The following RGS7 variants were observed in gnomAD, a reference collection of about 807,000 sequenced individuals.
RGS7 encodes the protein regulator of G-protein signaling 7.
RGS7 carries 27 observed loss-of-function variants against 81.1 expected under a neutral mutation model. The observed-to-expected ratio is 0.33, with a 90% CI of 0.25 to 0.46. RGS7 has a LOEUF of 0.46. Ranked by LOEUF, RGS7 falls within the 20% of genes least tolerant of loss-of-function variation. The probability of loss-of-function intolerance (pLI) is 1.00; values close to 1 mark genes in which losing one functional copy is unlikely to be tolerated. For synonymous variants in RGS7, 208 were observed against 207.7 expected (o/e 1.00, Z -0.01); for missense variants, 396 against 607.4 (o/e 0.65, Z 3.66).
At chr1:241,173,036 T>G (rs2070844042) in intron 2 of RGS7, among the ~76,000 whole-genome samples, 1 of 152,230 alleles carries the variant, frequency 6.6e-6, no homozygotes, top group Admixed American at 6.5e-5. Flanking sequence ...TTAGACCACC[T>G]TGGTATCTTC....
chr1:241,347,750 G>T (rs1388469816), intron 2 of RGS7, among the ~76,000 whole-genome samples: 2 of 152,020 alleles, frequency 1.3e-5, no homozygotes, highest in Middle Eastern at 3.2e-3. Flanking sequence ...TGTTAGGAGA[G>T]TCACTCACTT....
intron 2 of RGS7, among the ~76,000 whole-genome samples, chr1:241,272,416 AGG>A (rs2077966179): frequency 6.6e-6 from 1 of 152,200 alleles, no homozygotes; most frequent in Non-Finnish European, 1.5e-5. Context: ...CAAACATGCC[AGG>A]ATTACTACCA....
intron 18 of RGS7, among the ~76,000 whole-genome samples, chr1:240,785,990 A>C (rs1186803285): frequency 6.6e-6 from 1 of 152,194 alleles, no homozygotes; most frequent in African/African-American, 2.4e-5. Context: ...TGTCATATTT[A>C]ATGTTGAATG....
chr1:241,088,855 C>CA (rs1246772637), intron 3 of RGS7, among the ~76,000 whole-genome samples: 8 of 150,846 alleles, frequency 5.3e-5, no homozygotes, highest in South Asian at 2.1e-4. Flanking sequence ...ACTAAAAATA[C>CA]AAAAAATTAG....
chr1:241,327,156 AAAG>A (rs1161249548), intron 2 of RGS7, among the ~76,000 whole-genome samples: 5 of 144,826 alleles, frequency 3.5e-5, no homozygotes, highest in Admixed American at 6.8e-5. Flanking sequence ...GGAAAGAAAG[AAAG>A]AAAGAAACAC....
chr1:241,351,972 CT>C (rs1288299411), intron 2 of RGS7, among the ~76,000 whole-genome samples: 3 of 152,186 alleles, frequency 2.0e-5, no homozygotes, highest in Admixed American at 1.3e-4. Context: ...CCAAGGTGAC[CT>C]AGAAATTTTG....
intron 9 of RGS7, among the ~76,000 whole-genome samples, chr1:240,840,320 G>C (rs811489): frequency 0.86 from 130,033 of 151,844 alleles, 56,169 homozygotes; most frequent in African/African-American, 0.97. Context: ...ATTGCCCAGG[G>C]TGGAGTGCAA....
chr1:241,003,967 C>T (rs947239597), intron 3 of RGS7, among the ~76,000 whole-genome samples: 3 of 152,062 alleles, frequency 2.0e-5, no homozygotes, highest in African/African-American at 4.8e-5. Context: ...AGGCTGGTCT[C>T]GGCCTCCCAA....
chr1:241,034,044 C>T (rs2060214087), intron 3 of RGS7, among the ~76,000 whole-genome samples: 2 of 152,142 alleles, frequency 1.3e-5, no homozygotes, highest in Non-Finnish European at 2.9e-5. Context: ...AGAGACTTGT[C>T]CTGGAAAGTG....
chr1:240,793,612 T>TATA (rs11270798), intron 18 of RGS7, among the ~76,000 whole-genome samples: 4 of 28,588 alleles, frequency 1.4e-4, no homozygotes, highest in East Asian at 1.1e-3. Flanking sequence ...TATATATATA[T>TATA]TTTTTTTTTT....
At chr1:240,919,930 A>T (rs1460674155) in intron 6 of RGS7, 1 of 1,260,394 alleles carries the variant, frequency 7.9e-7, no homozygotes, top group East Asian at 2.3e-5. Flanking sequence ...TCAAGAGAAG[A>T]TTCTCAAAGA....
At position 241,223,708 on chromosome 1, in the gene RGS7, T is replaced by G. The variant is rs531119828; in HGVS notation, c.79-124946A>C. Reference sequence around the variant, plus strand: ...TAAATCAGGATCATAAATTAGACATTGCAAAAAAAAAAAAAGAAAGAAAAT... The same window carrying G: ...TAAATCAGGATCATAAATTAGACATGGCAAAAAAAAAAAAAGAAAGAAAAT... On this transcript the variant is annotated intron_variant, in intron 2 of 18. Coordinates refer to ENST00000440928, the MANE Select transcript of RGS7 (RefSeq NM_001364886.1). Among the ~76,000 whole-genome samples the G allele has an allele frequency of 2.2e-4, 26 of 119,506 alleles. No individual in the cohort carries two copies. In the South Asian group the frequency reaches 3.9e-3, roughly 18 times the overall value. 78.4% of individuals were successfully genotyped at this position (119,506 alleles called of 152,430 possible).
At chr1:240,998,672 G>A (rs1572188573) in intron 3 of RGS7, 1 of 1,148,500 alleles carries the variant, frequency 8.7e-7, no homozygotes, top group East Asian at 2.6e-5. Context: ...CAGGCCAAAA[G>A]GGTTCAACAT....
At chr1:240,894,666 C>CTT (rs138139395) in intron 6 of RGS7, among the ~76,000 whole-genome samples, 19,367 of 151,766 alleles carry the variant, frequency 0.13, 1,338 homozygotes, top group Middle Eastern at 0.18. Flanking sequence ...ATCTAGCTCT[C>CTT]ATATCATTTT....
intron 2 of RGS7, among the ~76,000 whole-genome samples, chr1:241,306,504 AC>A (rs1357779957): frequency 6.7e-6 from 1 of 148,368 alleles, no homozygotes; most frequent in African/African-American, 2.5e-5. Flanking sequence ...TTACACAAAC[AC>A]CCTCACATGG....
intron 3 of RGS7, among the ~76,000 whole-genome samples, chr1:241,053,234 C>A (rs2061336789): frequency 6.6e-6 from 1 of 152,166 alleles, no homozygotes; most frequent in Non-Finnish European, 1.5e-5. Flanking sequence ...CCATGCTAAA[C>A]AAAATCTCAA....
rs1227412715 is a variant in RGS7, at chr1:241,293,595, TA to T, written c.78+62103del. On this transcript the variant is annotated intron_variant, in intron 2 of 18. Transcript: ENST00000440928. ...TTTTTAATAAAAAAAGTTTTTAAAG[TA>T]AAAAAAATTAAAGCACAAAAAGGCT... is the stretch of plus-strand genomic sequence containing the variant. Among the ~76,000 whole-genome samples the T allele has an allele frequency of 9.9e-5, 15 of 151,472 alleles. 1 individual carries two copies. Among genetic ancestry groups the T allele is most frequent in the Non-Finnish European group, 1.9e-4 (13 of 67,808 alleles).
At chr1:241,352,601 G>C (rs1199564771) in intron 2 of RGS7, among the ~76,000 whole-genome samples, 1 of 152,200 alleles carries the variant, frequency 6.6e-6, no homozygotes, top group African/African-American at 2.4e-5. Context: ...TGACTTGCAA[G>C]TACCAACCCT....
intron 10 of RGS7, among the ~76,000 whole-genome samples, chr1:240,817,207 G>C (rs1297195527): frequency 2.0e-5 from 3 of 152,150 alleles, no homozygotes; most frequent in Non-Finnish European, 4.4e-5. Flanking sequence ...TCAACTCAAG[G>C]AAGAAGCCAA....
Sources: gnomAD v4.1 joint callset for allele counts (sites outside exome capture counted in the v4.1 genomes callset) on GRCh38, gnomAD v4.1.1 for gene constraint, MANE v1.5 for transcripts, NCBI Gene and HGNC (gene_info 2026-07-23, HGNC 2026-07-21) for gene names.